The following AUTS2 variants were observed in gnomAD, a reference collection of about 807,000 sequenced individuals.
AUTS2 encodes autism susceptibility gene 2 protein.
In AUTS2, 17 loss-of-function variants were observed where a neutral mutation model predicts 112.4. The observed-to-expected ratio is 0.15, with a 90% CI of 0.10 to 0.23. The LOEUF (loss-of-function observed/expected upper bound fraction) is 0.23. AUTS2 is among the 10% of genes least tolerant of loss of function. The pLI is 1.00. For synonymous variants in AUTS2, 751 were observed against 702.7 expected, an observed-to-expected ratio of 1.07 and a Z score of -1.09; for missense variants, 1,510 against 1,701.6, an observed-to-expected ratio of 0.89 and a Z score of 1.98.
At chr7:69,916,734 A>G (rs1437768532) in intron 2 of AUTS2, among the ~76,000 whole-genome samples, 4 of 151,924 alleles carry the variant, frequency 2.6e-5, no homozygotes, top group African/African-American at 7.3e-5. Context: ...TTTTTATCCT[A>G]TGTATTTCTT....
intron 5 of AUTS2, among the ~76,000 whole-genome samples, chr7:70,654,313 C>A (rs1242881387): frequency 1.3e-5 from 2 of 152,170 alleles, no homozygotes; most frequent in African/African-American, 4.8e-5. Flanking sequence ...GCCATACAGT[C>A]TCTGTAGCAA....
At chr7:70,654,489 C>T (rs1038975438) in intron 5 of AUTS2, among the ~76,000 whole-genome samples, 27 of 152,148 alleles carry the variant, frequency 1.8e-4, no homozygotes, top group African/African-American at 6.3e-4. Context: ...AACCATACTG[C>T]TTATTTTTTT....
intron 1 of AUTS2, among the ~76,000 whole-genome samples, chr7:69,761,864 G>A (rs1788199178): frequency 6.6e-6 from 1 of 152,178 alleles, no homozygotes; most frequent in African/African-American, 2.4e-5. Context: ...ACTCTGTGCA[G>A]TAGAGATTAT....
intron 6 of AUTS2, among the ~76,000 whole-genome samples, chr7:70,744,388 G>A (rs928089032): frequency 6.6e-6 from 1 of 152,174 alleles, no homozygotes; most frequent in African/African-American, 2.4e-5. Context: ...GCCATTAGCT[G>A]AATGCCCTCT....
At chr7:69,826,349 C>G (rs536263144) in intron 1 of AUTS2, among the ~76,000 whole-genome samples, 2 of 152,302 alleles carry the variant, frequency 1.3e-5, no homozygotes, top group African/African-American at 2.4e-5. Context: ...GGTTAAGTGA[C>G]CTGCCTAAGG....
At chr7:70,177,967 G>A (rs1809084732) in intron 4 of AUTS2, among the ~76,000 whole-genome samples, 1 of 150,042 alleles carries the variant, frequency 6.7e-6, no homozygotes, top group Non-Finnish European at 1.5e-5. Flanking sequence ...CCAGGCTGGA[G>A]TGCAGTGGCA....
intron 5 of AUTS2, among the ~76,000 whole-genome samples, chr7:70,439,730 G>A (rs1277667735): frequency 2.0e-5 from 3 of 152,094 alleles, no homozygotes; most frequent in Admixed American, 6.5e-5. Context: ...GGTATCATGA[G>A]AACAAAGAGG....
intron 5 of AUTS2, among the ~76,000 whole-genome samples, chr7:70,652,330 C>G (rs776725570): frequency 6.7e-6 from 1 of 149,458 alleles, no homozygotes; most frequent in Non-Finnish European, 1.5e-5. Flanking sequence ...TACTTAACAC[C>G]AGCAAAAGTA....
chr7:70,272,610 C>T (rs893911360), intron 4 of AUTS2, among the ~76,000 whole-genome samples: 5 of 151,912 alleles, frequency 3.3e-5, no homozygotes, highest in Admixed American at 6.6e-5. Flanking sequence ...TGGGTTCTCT[C>T]GTTTTTTTTT....
chr7:70,764,848 C>A lies in AUTS2; in HGVS notation c.1311C>A (p.Asn437Lys). 2.1e-6 allele frequency: 3 copies of A among 1,419,140 alleles called. No individual in the cohort carries two copies. Among genetic ancestry groups the A allele is most frequent in the Non-Finnish European group, 2.9e-6 (3 of 1,032,122 alleles). 87.9% of individuals were successfully genotyped at this position (1,419,140 alleles called of 1,614,324 possible). A position where few individuals can be genotyped will look rare whatever the true frequency, so the allele number is the denominator to read the frequency against. Residue 437 changes from asparagine to lysine, a missense_variant, in exon 8 of 19, where the codon AAC becomes AAA. Around this residue, in one of 3 missense-constraint regions of AUTS2, gnomAD observed 535 missense variants for 594.3 expected, o/e 0.90. Transcript: ENST00000342771. Reference protein sequence around the residue: ...SASPFPLSLPNHSPLHSFTPT... With the variant: ...SASPFPLSLPKHSPLHSFTPT... The stretch of plus-strand genomic sequence containing the variant: ...CCCCGTTCCCCCTCTCCCTGCCCAA[C>A]CACAGCCCCCTGCACAGCTTCACAC...
chr7:69,631,345 T>C (rs925386467), intron 1 of AUTS2, among the ~76,000 whole-genome samples: 2 of 152,186 alleles, frequency 1.3e-5, no homozygotes, highest in Admixed American at 1.3e-4. Context: ...GCAACAGCGG[T>C]TTGAGGACTG....
intron 5 of AUTS2, among the ~76,000 whole-genome samples, chr7:70,533,059 C>T (rs1479303688): frequency 6.6e-6 from 1 of 152,312 alleles, no homozygotes; most frequent in South Asian, 2.1e-4. Context: ...GGAGATGCCT[C>T]AGCATTTTAC....
chr7:70,259,111 A>G (rs1787031589), intron 4 of AUTS2, among the ~76,000 whole-genome samples: 1 of 152,194 alleles, frequency 6.6e-6, no homozygotes, highest in East Asian at 1.9e-4. Context: ...GACAGTTTCC[A>G]GATATGCATA....
At chr7:70,340,195 C>CA (rs1562892230) in intron 4 of AUTS2, among the ~76,000 whole-genome samples, 6 of 150,482 alleles carry the variant, frequency 4.0e-5, no homozygotes, top group East Asian at 3.9e-4. Context: ...CACACACACA[C>CA]CCCGTAATAA....
chr7:69,740,844 G>A (rs896057633), intron 1 of AUTS2, among the ~76,000 whole-genome samples: 1 of 152,168 alleles, frequency 6.6e-6, no homozygotes, highest in Non-Finnish European at 1.5e-5. Flanking sequence ...CAATAGGAGA[G>A]CAATGCAGAG....
chr7:70,502,817 G>A (rs778511206), intron 5 of AUTS2, among the ~76,000 whole-genome samples: 34 of 152,172 alleles, frequency 2.2e-4, no homozygotes, highest in Non-Finnish European at 4.1e-4. Context: ...GTTCTGAAGC[G>A]GATGTGTTTT....
intron 5 of AUTS2, among the ~76,000 whole-genome samples, chr7:70,566,370 CT>C (rs1801708691): frequency 6.6e-6 from 1 of 152,184 alleles, no homozygotes; most frequent in Admixed American, 6.5e-5. Context: ...CTACTGGGAA[CT>C]TATTTCCTTG....
intron 4 of AUTS2, among the ~76,000 whole-genome samples, chr7:70,340,741 T>A (rs985452784): frequency 2.0e-5 from 3 of 152,240 alleles, no homozygotes; most frequent in African/African-American, 7.2e-5. Context: ...ACAAAGAGAA[T>A]CTCTAGTATT....
intron 5 of AUTS2, among the ~76,000 whole-genome samples, chr7:70,599,779 G>A (rs1415579537): frequency 1.3e-5 from 2 of 152,204 alleles, no homozygotes; most frequent in African/African-American, 4.8e-5. Flanking sequence ...AAGCTACACA[G>A]CTAGGTCAGC....
Sources: gnomAD v4.1 joint callset for allele counts (sites outside exome capture counted in the v4.1 genomes callset) on GRCh38, gnomAD v4.1.1 for gene constraint, gnomAD v4.1.1 regional missense constraint, MANE v1.5 for transcripts, NCBI Gene and HGNC (gene_info 2026-07-23, HGNC 2026-07-21) for gene names.